Variants in ZNF564 observed in about 807,000 individuals in gnomAD.
The protein encoded by ZNF564 is zinc finger protein 564.
In ZNF564, 5 loss-of-function variants were observed where a neutral mutation model predicts 10.5. That is an observed-to-expected ratio of 0.48 (90% CI 0.25 to 1.00). The LOEUF (loss-of-function observed/expected upper bound fraction) is 1.00, where lower values mean the gene tolerates loss of function less well. Ranked by LOEUF, ZNF564 falls within the 50% of genes least tolerant of loss-of-function variation. ZNF564 has a pLI of 0.16. For synonymous variants in ZNF564, 242 were observed against 218.1 expected, an observed-to-expected ratio of 1.11 and a Z score of -0.97; for missense variants, 603 against 669.7, an observed-to-expected ratio of 0.90 and a Z score of 1.10.
At chr19:12,528,025 G>A (rs1164730700) in intron 3 of ZNF564, 109 bp from the exon 4 acceptor site, 2 of 1,257,698 alleles carry the variant, frequency 1.6e-6, no homozygotes, top group Admixed American at 2.4e-5. Flanking sequence ...TTTCAGGCCT[G>A]TATGAATTGT....
intron 1 of ZNF564, among the ~76,000 whole-genome samples, chr19:12,528,946 T>C (rs2021746767): frequency 6.6e-6 from 1 of 152,030 alleles, no homozygotes; most frequent in African/African-American, 2.4e-5. Flanking sequence ...TGCCTGTTAA[T>C]CCCGGCTACT....
intron 2 of ZNF564, 70 bp downstream of exon 2, chr19:12,528,500 G>A: frequency 6.3e-7 from 1 of 1,598,424 alleles, no homozygotes; most frequent in Non-Finnish European, 8.5e-7. Flanking sequence ...TAGACATCAT[G>A]AAAAAGCATT....
At chr19:12,546,537 C>T (rs1390803104) in intron 1 of ZNF564, among the ~76,000 whole-genome samples, 1 of 152,056 alleles carries the variant, frequency 6.6e-6, no homozygotes, top group East Asian at 1.9e-4. Context: ...ATCATCCTGG[C>T]TAACACGGTG....
At chr19:12,529,875 T>C (rs1287219971) in intron 1 of ZNF564, 1 of 150,466 alleles carries the variant, frequency 6.6e-6, no homozygotes, top group African/African-American at 2.5e-5. Flanking sequence ...TACCAGCTAC[T>C]TGGGAGGCTG....
chr19:12,540,647 G>A (rs1197374887), intron 1 of ZNF564, among the ~76,000 whole-genome samples: 3 of 152,166 alleles, frequency 2.0e-5, no homozygotes, highest in Non-Finnish European at 4.4e-5. Context: ...AAAGTCAGGA[G>A]ATCGCCACCA....
chr19:12,551,440 C>A lies in ZNF564; in HGVS notation c.-108G>T. 6.9e-7 allele frequency: 1 copy of A among 1,441,852 alleles called. No homozygotes were observed. The highest frequency in any genetic ancestry group is 9.1e-7 in the Non-Finnish European group (1 of 1,095,422). 89.3% of individuals were successfully genotyped at this position (1,441,852 alleles called of 1,614,324 possible). ...GGAGCCACCGGGGCCACTGGAGAAGCGGAGACCGGAACCCAAACGCAGCGG... is the reference window on the plus strand; with the variant it reads ...GGAGCCACCGGGGCCACTGGAGAAGAGGAGACCGGAACCCAAACGCAGCGG... On this transcript the variant is annotated 5_prime_UTR_variant, in exon 1 of 4. Transcript: ENST00000339282.
rs781221677 is a variant in ZNF564 at position 12,527,299 on chromosome 19, A to G, written c.809T>C (p.Ile270Thr). 7 of 1,613,552 alleles carry G rather than the reference A, an allele frequency of 4.3e-6. No homozygotes were observed. Among genetic ancestry groups the G allele is most frequent in the Non-Finnish European group, 5.9e-6 (7 of 1,179,884 alleles). Residue 270 changes from isoleucine to threonine, a missense_variant, in exon 4 of 4, where the codon ATA (isoleucine) becomes ACA (threonine). Coordinates refer to ENST00000339282, the MANE Select transcript of ZNF564 (RefSeq NM_144976.4). The part of the protein sequence containing the change: ...KAFDRPSLFR[I>T]HERTHTGEKP... ...CTCTCCAGTATGAGTTCTTTCATGT[A>G]TTCGAAATAAACTGGGGCGGTCAAA...
chr19:12,537,549 A>ATTTTCTT (rs2021941278), intron 1 of ZNF564, among the ~76,000 whole-genome samples: 2 of 151,974 alleles, frequency 1.3e-5, no homozygotes, highest in Admixed American at 1.3e-4. Context: ...GACCAGCCTG[A>ATTTTCTT]CCAAAAAGGA....
At chr19:12,541,193 G>A (rs2022042634) in intron 1 of ZNF564, among the ~76,000 whole-genome samples, 1 of 151,592 alleles carries the variant, frequency 6.6e-6, no homozygotes, top group African/African-American at 2.4e-5. Flanking sequence ...CTAGGCTGCA[G>A]TGAGCCATTG....
rs975796970 is a variant in ZNF564, at chr19:12,526,111, T to A, written c.*335A>T. ...TGTCATCACATGTAAAATATATTCATCTCATCCCAAAGGCCTCAAAAGTCT... is the reference window on the plus strand; with the variant it reads ...TGTCATCACATGTAAAATATATTCAACTCATCCCAAAGGCCTCAAAAGTCT... On this transcript the variant is annotated 3_prime_UTR_variant, in exon 4 of 4. Coordinates refer to ENST00000339282, the MANE Select transcript of ZNF564 (RefSeq NM_144976.4). 3.0e-5 allele frequency: 6 copies of A among 203,054 alleles called. No individual in the cohort carries two copies. In the Admixed American group the frequency reaches 3.1e-4, roughly 11 times the overall value. The allele number at this position is 203,054 out of a possible 1,614,324, so 12.6% of individuals were successfully genotyped here.
In ZNF564 at chr19:12,537,695, G is replaced by A. The variant is rs541208365; in HGVS notation, c.4-8999C>T. Among the ~76,000 whole-genome samples, 154 of 143,244 alleles carry A rather than the reference G, an allele frequency of 1.1e-3. 1 individual carries two copies. Among genetic ancestry groups the A allele is most frequent in the Non-Finnish European group, 1.7e-3 (112 of 66,830 alleles). 94.0% of individuals were successfully genotyped at this position (143,244 alleles called of 152,430 possible). A position where few individuals can be genotyped will look rare whatever the true frequency, so the allele number is the denominator to read the frequency against. On this transcript the variant is annotated intron_variant, in intron 1 of 3. Coordinates refer to ENST00000339282, the MANE Select transcript of ZNF564 (RefSeq NM_144976.4). ...GGAGGTTGCGGTGAGCCGAGATTTC[G>A]CCATTGCACTCCCGCCTGGGCAACA... is the stretch of plus-strand genomic sequence containing the variant.
At chr19:12,530,293 T>G (rs1243367406) in intron 1 of ZNF564, 2 of 152,176 alleles carry the variant, frequency 1.3e-5, no homozygotes, top group African/African-American at 4.8e-5. Flanking sequence ...ACTCACTGAT[T>G]CCTTTGACTC....
chr19:12,540,044 C>G (rs766597163), intron 1 of ZNF564, among the ~76,000 whole-genome samples: 1 of 151,084 alleles, frequency 6.6e-6, no homozygotes, highest in African/African-American at 2.4e-5. Context: ...ATGCCACTTG[C>G]GTAAGATTCA....
At chr19:12,543,388 C>T (rs1445794701) in intron 1 of ZNF564, among the ~76,000 whole-genome samples, 1 of 148,882 alleles carries the variant, frequency 6.7e-6, no homozygotes, top group Non-Finnish European at 1.5e-5. Context: ...CTTCTAAAAA[C>T]TGAAATAGCC....
intron 1 of ZNF564, chr19:12,548,052 C>T: frequency 3.8e-6 from 2 of 521,984 alleles, no homozygotes; most frequent in African/African-American, 2.1e-5. Context: ...AGGTGATCCA[C>T]CCACCTCAGC....
chr19:12,527,681 A>G lies in ZNF564; in HGVS notation c.427T>C (p.Cys143Arg). 1 of 1,614,160 alleles carries G rather than the reference A, an allele frequency of 6.2e-7. No individual in the cohort carries two copies. The highest frequency in any genetic ancestry group is 1.1e-5 in the South Asian group (1 of 91,088). Reference sequence around the variant, plus strand: ...CTGAAGGCTTTCCCACACTGCTTACATTTATATGGTTTCTCTCCATATTCC... The same window carrying G: ...CTGAAGGCTTTCCCACACTGCTTACGTTTATATGGTTTCTCTCCATATTCC... ...YQEYGEKPYK[C>R]KQCGKAFSSC... Residue 143 changes from cysteine (C) to arginine (R), a missense_variant, in exon 4 of 4, where the codon TGT becomes CGT. By Grantham distance (180) the Cys-to-Arg change is radical (BLOSUM62 -3). Coordinates refer to ENST00000339282, the MANE Select transcript of ZNF564 (RefSeq NM_144976.4).
At chr19:12,528,758 C>T (rs2021741930) in intron 1 of ZNF564, 62 bp from the exon 2 acceptor site, 3 of 1,540,178 alleles carry the variant, frequency 1.9e-6, no homozygotes, top group Non-Finnish European at 2.6e-6. Context: ...GGGATGTAAA[C>T]CCAATTCATA....
At chr19:12,536,699 G>A (rs548070980) in intron 1 of ZNF564, among the ~76,000 whole-genome samples, 19 of 152,168 alleles carry the variant, frequency 1.2e-4, no homozygotes, top group African/African-American at 3.9e-4. Flanking sequence ...TGTGGACTTC[G>A]TATAAGATAT....
At chr19:12,539,502 A>T (rs10421237) in intron 1 of ZNF564, among the ~76,000 whole-genome samples, 1 of 145,048 alleles carries the variant, frequency 6.9e-6, no homozygotes, top group Non-Finnish European at 1.5e-5. Flanking sequence ...TAATAAAAAT[A>T]CAAAAAAAAA....
Sources: gnomAD v4.1 joint callset for allele counts (sites outside exome capture counted in the v4.1 genomes callset) on GRCh38, gnomAD v4.1.1 for gene constraint, MANE v1.5 for transcripts, NCBI Gene and HGNC (gene_info 2026-07-23, HGNC 2026-07-21) for gene names.